Variants in IL15RA observed in about 807,000 individuals in gnomAD.
IL15RA encodes interleukin-15 receptor subunit alpha.
Under a neutral mutation model 24.2 loss-of-function variants are expected in IL15RA, and 26 were observed. That is an observed-to-expected ratio of 1.07 (90% CI 0.79 to 1.49). The LOEUF (loss-of-function observed/expected upper bound fraction) is 1.49, where lower values mean the gene tolerates loss of function less well. Ranked by LOEUF, IL15RA falls within the 40% of genes most tolerant of loss-of-function variation. The pLI is 0.00. For missense variants in IL15RA, 354 were observed against 356.4 expected, an observed-to-expected ratio of 0.99 and a Z score of 0.05; for synonymous variants, 166 against 157.6, an observed-to-expected ratio of 1.05 and a Z score of -0.40.
chr10:5,972,318 C>G (rs1837745829), intron 1 of IL15RA, among the ~76,000 whole-genome samples: 1 of 152,144 alleles, frequency 6.6e-6, no homozygotes, highest in African/African-American at 2.4e-5. Context: ...ACGATATATA[C>G]TGAGGAGTTT....
At chr10:5,956,027 T>C (rs936287186) in intron 6 of IL15RA, among the ~76,000 whole-genome samples, 1 of 152,254 alleles carries the variant, frequency 6.6e-6, no homozygotes, top group South Asian at 2.1e-4. Flanking sequence ...TCTTTTTCTT[T>C]TTTTTGAGAC....
In IL15RA at chr10:5,961,244, T is replaced by C. The variant is rs2132405448; in HGVS notation, c.383-677A>G. 6.6e-6 allele frequency among the ~76,000 whole-genome samples: 1 copy of C among 152,212 alleles called. No individual in the cohort carries two copies. The highest frequency in any genetic ancestry group is 3.4e-3 in the Middle Eastern group (1 of 294). ...GACCCTGTTTCTACAAAAATAAGAA[T>C]AACGATAAATTATCCAGGTGTGGTG... On this transcript the variant is annotated intron_variant, in intron 3 of 6. Transcript: ENST00000379977. This position sits in a 1 kb window ranked among gnomAD's most constrained non-coding sequence, Gnocchi z 5.2.
At chr10:5,957,456 A>G (rs1163225248) in intron 5 of IL15RA, among the ~76,000 whole-genome samples, 1 of 148,342 alleles carries the variant, frequency 6.7e-6, no homozygotes, top group East Asian at 2.0e-4. Context: ...TTGTATTTTT[A>G]GTAGAGACAG....
chr10:5,977,033 C>G (rs917431145), intron 1 of IL15RA: 3 of 189,750 alleles, frequency 1.6e-5, no homozygotes, highest in African/African-American at 2.3e-5. Flanking sequence ...GCAGTCCAGG[C>G]GCCTGGGAGA....
Position 5,970,937 on chromosome 10 carries a change from T to C in IL15RA, c.89-4598A>G, listed in dbSNP as rs891386382. Among the ~76,000 whole-genome samples the C allele has an allele frequency of 1.3e-5, 2 of 151,900 alleles. No homozygotes were observed. Among genetic ancestry groups the C allele is most frequent in the African/African-American group, 2.4e-5 (1 of 41,336 alleles). ...CACCATACCTGGCTAATTTTTTTTT[T>C]CCTAGAGATGGGGTCTCACCATGTT... On this transcript the variant is annotated intron_variant, in intron 1 of 6. Coordinates refer to ENST00000379977, the MANE Select transcript of IL15RA (RefSeq NM_002189.4). This position sits in a 1 kb window ranked among gnomAD's most constrained non-coding sequence, Gnocchi z 4.1.
In IL15RA at chr10:5,975,174, C is replaced by T. The variant is rs1401898736; in HGVS notation, c.88+2231G>A. On this transcript the variant is annotated intron_variant, in intron 1 of 6. Coordinates refer to ENST00000379977, the MANE Select transcript of IL15RA (RefSeq NM_002189.4). The surrounding 1 kb of genome is among the most constrained non-coding windows in gnomAD (Gnocchi z 4.8). Reference sequence around the variant, plus strand: ...CTTTGTAATAGTCCCAAACTGGAAACAACCCAAATGTCCCTTAACAAGTGA... The same window carrying T: ...CTTTGTAATAGTCCCAAACTGGAAATAACCCAAATGTCCCTTAACAAGTGA... 6.6e-6 allele frequency among the ~76,000 whole-genome samples: 1 copy of T among 151,434 alleles called. No individual in the cohort carries two copies. Among genetic ancestry groups the T allele is most frequent in the African/African-American group, 2.5e-5 (1 of 40,720 alleles).
In IL15RA at chr10:5,960,370, G is replaced by A; in HGVS notation, c.580C>T (p.Pro194Ser). 1.2e-6 allele frequency: 2 copies of A among 1,614,078 alleles called. No individual in the cohort carries two copies. Among genetic ancestry groups the A allele is most frequent in the Non-Finnish European group, 8.5e-7 (1 of 1,179,960 alleles). The change falls in exon 4 of 7, where the codon CCA (proline) becomes TCA (serine). Residue 194 changes from proline (P) to serine (S), a missense_variant. Physicochemically the swap from Pro to Ser is moderately conservative, Grantham distance 74. Coordinates refer to ENST00000379977, the MANE Select transcript of IL15RA (RefSeq NM_002189.4). The surrounding 1 kb of genome is among the most constrained non-coding windows in gnomAD (Gnocchi z 5.1). ...CTGGGGCAAAGCGAGTGCTAACCTG[G>A]CGGCTGGTGGGAGGCGGATGCTGTG... The part of the protein sequence containing the change: ...ELTASASHQP[P>S]GVYPQGHSDT...
Position 5,967,796 on chromosome 10 carries a change from C to T in IL15RA, c.89-1457G>A, listed in dbSNP as rs549607979. The stretch of plus-strand genomic sequence containing the variant: ...AGAATAGGCTGGGTGCGGTAGCTCA[C>T]GCCTGTAATCCGAGGACTTTGGGAG... On this transcript the variant is annotated intron_variant, in intron 1 of 6. Coordinates refer to ENST00000379977, the MANE Select transcript of IL15RA (RefSeq NM_002189.4). The surrounding 1 kb of genome is among the most constrained non-coding windows in gnomAD (Gnocchi z 4.4). 3.9e-5 allele frequency among the ~76,000 whole-genome samples: 6 copies of T among 152,266 alleles called. No homozygotes were observed. Among genetic ancestry groups the T allele is most frequent in the South Asian group, 2.1e-4 (1 of 4,818 alleles).
rs756671236 is a variant in IL15RA, at chr10:5,959,823, C to T, written c.584-37G>A. The T allele has an allele frequency of 6.2e-7, 1 of 1,607,872 alleles. No homozygotes were observed. The highest frequency in any genetic ancestry group is 1.3e-5 in the African/African-American group (1 of 74,906). On this transcript the variant is annotated intron_variant, in intron 4 of 6. Coordinates refer to ENST00000379977, the MANE Select transcript of IL15RA (RefSeq NM_002189.4). The surrounding 1 kb of genome is among the most constrained non-coding windows in gnomAD (Gnocchi z 4.1). ...AGAGGACAGCATCACGGCTCGAGTC[C>T]TAGAGGTCCTAGTTCCTCATGAAGC...
At position 5,967,603 on chromosome 10, in the gene IL15RA, A is replaced by G. The variant is rs1049141331; in HGVS notation, c.89-1264T>C. 1.3e-5 allele frequency among the ~76,000 whole-genome samples: 2 copies of G among 152,356 alleles called. No homozygotes were observed. Among genetic ancestry groups the G allele is most frequent in the South Asian group, 4.1e-4 (2 of 4,830 alleles). On this transcript the variant is annotated intron_variant, in intron 1 of 6. Transcript: ENST00000379977. This position sits in a 1 kb window ranked among gnomAD's most constrained non-coding sequence, Gnocchi z 4.4. ...TGCTTTCAGCTCTGGTTGGTCATTC[A>G]TACATTTTGGAATGCTTTCCATTCC...
rs79372469 is a variant in IL15RA at position 5,966,414 on chromosome 10, G to A, written c.89-75C>T. On this transcript the variant is annotated intron_variant, in intron 1 of 6. Transcript: ENST00000379977. The surrounding 1 kb of genome is among the most constrained non-coding windows in gnomAD (Gnocchi z 6.4). The stretch of plus-strand genomic sequence containing the variant: ...GAGGCGTTCTCCAGGCACACGCAGC[G>A]GTAGTCAGTGTCCAGCTTATCCTAG... 979 of 1,238,898 alleles carry A rather than the reference G, an allele frequency of 7.9e-4. 6 individuals carry two copies. The African/African-American group carries it at 0.012, about 16-fold the overall frequency. 76.7% of individuals were successfully genotyped at this position (1,238,898 alleles called of 1,614,324 possible).
intron 1 of IL15RA, among the ~76,000 whole-genome samples, chr10:5,976,365 G>C (rs1045910796): frequency 5.9e-5 from 9 of 152,204 alleles, no homozygotes; most frequent in African/African-American, 2.2e-4. Flanking sequence ...TGGGCAGACT[G>C]GCCCGACTGG....
chr10:5,956,338 G>A (rs1316274102), intron 6 of IL15RA, 41 bp downstream of exon 6: 2 of 1,502,590 alleles, frequency 1.3e-6, no homozygotes, highest in African/African-American at 2.8e-5. Flanking sequence ...TTCTCATGGG[G>A]AAGTCTAACT....
chr10:5,970,736 ATTATTTTATTTTATT>A lies in IL15RA; in HGVS notation c.89-4412_89-4398del, dbSNP rs55906065. ...TAAAATGATTTTATTTTATTTCATT[ATTATTTTATTTTATT>A]TTATTTTATTTTATTTTATTTTATT... On this transcript the variant is annotated intron_variant, in intron 1 of 6. Coordinates refer to ENST00000379977, the MANE Select transcript of IL15RA (RefSeq NM_002189.4). This position sits in a 1 kb window ranked among gnomAD's most constrained non-coding sequence, Gnocchi z 4.1. Among the ~76,000 whole-genome samples, 5,247 of 143,622 alleles carry A rather than the reference ATTATTTTATTTTATT, an allele frequency of 0.037. 309 individuals carry two copies. The highest frequency in any genetic ancestry group is 0.13 in the African/African-American group (4,910 of 38,426). 94.2% of individuals were successfully genotyped at this position (143,622 alleles called of 152,430 possible).
chr10:5,969,813 T>C (rs2132614232), intron 1 of IL15RA, among the ~76,000 whole-genome samples: 1 of 152,352 alleles, frequency 6.6e-6, no homozygotes, highest in South Asian at 2.1e-4. Context: ...ACACGGTATC[T>C]CTCTTGATTT....
In IL15RA at chr10:5,953,455, C is replaced by A; in HGVS notation, c.693-249G>T. ...TGGTGGCGCATGCCTGTAATCCTAG[C>A]ACTTTAGGAGGCTGTCGTGGGAGGA... On this transcript the variant is annotated intron_variant, in intron 6 of 6. Transcript: ENST00000379977. This position sits in a 1 kb window ranked among gnomAD's most constrained non-coding sequence, Gnocchi z 5.3. 1.5e-6 allele frequency: 1 copy of A among 675,656 alleles called. No individual in the cohort carries two copies. Among genetic ancestry groups the A allele is most frequent in the South Asian group, 1.6e-5 (1 of 63,202 alleles). The allele number at this position is 675,656 out of a possible 1,614,324, so 41.9% of individuals were successfully genotyped here.
Position 5,975,826 on chromosome 10 carries a change from G to C in IL15RA, c.88+1579C>G, listed in dbSNP as rs1838357150. ...CAGAATCGCTTGAACCCAGGAGGCG[G>C]AGGTTGCAGTGAGCTGAGATCGCGC... On this transcript the variant is annotated intron_variant, in intron 1 of 6. Transcript: ENST00000379977. This position sits in a 1 kb window ranked among gnomAD's most constrained non-coding sequence, Gnocchi z 4.8. 6.6e-6 allele frequency among the ~76,000 whole-genome samples: 1 copy of C among 152,202 alleles called. No homozygotes were observed. The highest frequency in any genetic ancestry group is 1.5e-5 in the Non-Finnish European group (1 of 68,034).
rs987256261 is a variant in IL15RA at position 5,952,895 on chromosome 10, G to A, written c.*200C>T. ...CCAAGGCACGACAGGCAGGCAGGTG[G>A]TGCCCATGGGAATGCGGAGAACCTG... On this transcript the variant is annotated 3_prime_UTR_variant, in exon 7 of 7. Transcript: ENST00000379977. 1.6e-5 allele frequency: 10 copies of A among 606,190 alleles called. No individual in the cohort carries two copies. Among genetic ancestry groups the A allele is most frequent in the Non-Finnish European group, 2.6e-5 (9 of 340,116 alleles). 37.6% of individuals were successfully genotyped at this position (606,190 alleles called of 1,614,324 possible).
chr10:5,974,102 C>T (rs772182409), intron 1 of IL15RA, among the ~76,000 whole-genome samples: 1 of 152,090 alleles, frequency 6.6e-6, no homozygotes, highest in Non-Finnish European at 1.5e-5. Context: ...AGGGTTCAAG[C>T]GATTCTCCTG....
Sources: allele counts gnomAD v4.1 joint callset (sites outside exome capture counted in the v4.1 genomes callset), GRCh38; gene constraint gnomAD v4.1.1; non-coding constraint Gnocchi (gnomAD v3.1); transcripts MANE v1.5; gene names NCBI Gene and HGNC (gene_info 2026-07-23, HGNC 2026-07-21).